SGCD: variants seen among roughly 807,000 people sequenced by gnomAD.
SGCD encodes delta-sarcoglycan.
Under a neutral mutation model 36.6 loss-of-function variants are expected in SGCD, and 18 were observed. That is an observed-to-expected ratio of 0.49 (90% CI 0.34 to 0.73). The LOEUF (loss-of-function observed/expected upper bound fraction) is 0.73, where lower values mean the gene tolerates loss of function less well. SGCD is among the 30% of genes least tolerant of loss of function. The pLI, the probability that SGCD is intolerant of heterozygous loss-of-function variation, is 0.01. For synonymous variants in SGCD, 133 were observed against 130.6 expected, an observed-to-expected ratio of 1.02 and a Z score of -0.12; for missense variants, 387 against 346.7, an observed-to-expected ratio of 1.12 and a Z score of -0.92.
intron 3 of SGCD, among the ~76,000 whole-genome samples, chr5:156,314,327 A>G (rs1190151354): frequency 6.6e-6 from 1 of 152,058 alleles, no homozygotes; most frequent in Non-Finnish European, 1.5e-5. Context: ...TGTAAGCTGC[A>G]TTGGTTGGTA....
chr5:156,393,681 C>T, intron 3 of SGCD: 2 of 453,510 alleles, frequency 4.4e-6, no homozygotes, highest in Non-Finnish European at 8.9e-6. Flanking sequence ...AAATTAAGAT[C>T]ATCCATCTCC....
At chr5:156,321,014 T>C (rs1767648991) in intron 3 of SGCD, among the ~76,000 whole-genome samples, 1 of 152,224 alleles carries the variant, frequency 6.6e-6, no homozygotes. Context: ...TGCCATTAGT[T>C]TAAGTCTAAC....
rs70984404 is a variant in SGCD at position 156,333,783 on chromosome 5, ATTTTTTTTTTTTTTT to A, written c.3+4227_3+4241del. Among the ~76,000 whole-genome samples, 101 of 19,966 alleles carry A rather than the reference ATTTTTTTTTTTTTTT, an allele frequency of 5.1e-3. 1 individual carries two copies. The highest frequency in any genetic ancestry group is 7.9e-3 in the Non-Finnish European group (83 of 10,476). The allele number at this position is 19,966 out of a possible 152,430, so 13.1% of individuals were successfully genotyped here. A position where few individuals can be genotyped will look rare whatever the true frequency, so the allele number is the denominator to read the frequency against. ...GTGCTTTCTTTATGTTAGAAAAGTG[ATTTTTTTTTTTTTTT>A]TTTTTTTTTTTTTTTTTTTTTTGCT... is the stretch of plus-strand genomic sequence containing the variant. On this transcript the variant is annotated intron_variant, in intron 2 of 8. Transcript: ENST00000337851.
intron 3 of SGCD, among the ~76,000 whole-genome samples, chr5:156,266,563 G>A (rs1383951448): frequency 6.6e-6 from 1 of 152,128 alleles, no homozygotes; most frequent in Non-Finnish European, 1.5e-5. Context: ...GCTCACTGCA[G>A]CCTCCAACTC....
intron 6 of SGCD, among the ~76,000 whole-genome samples, chr5:156,609,417 G>T (rs1403617966): frequency 1.3e-5 from 2 of 152,220 alleles, no homozygotes; most frequent in East Asian, 3.8e-4. Context: ...GAGATCGGCT[G>T]TTAGTCTGAT....
At chr5:156,169,171 C>T (rs1219020875) in intron 3 of SGCD, among the ~76,000 whole-genome samples, 4 of 152,202 alleles carry the variant, frequency 2.6e-5, no homozygotes, top group Admixed American at 2.6e-4. Context: ...TCTTTGACCA[C>T]TTGAAAAATG....
At chr5:156,163,895 C>T (rs913946525) in intron 3 of SGCD, among the ~76,000 whole-genome samples, 12 of 150,786 alleles carry the variant, frequency 8.0e-5, no homozygotes, top group South Asian at 6.3e-4. Flanking sequence ...TGGTGGCACG[C>T]GCCTGTAGTC....
At chr5:156,405,779 G>A (rs1311299486) in intron 3 of SGCD, among the ~76,000 whole-genome samples, 1 of 151,956 alleles carries the variant, frequency 6.6e-6, no homozygotes, top group Non-Finnish European at 1.5e-5. Flanking sequence ...CCCACTTTTT[G>A]TCTTGCCTCC....
intron 3 of SGCD, among the ~76,000 whole-genome samples, chr5:156,301,294 G>T (rs1286820319): frequency 6.6e-6 from 1 of 151,888 alleles, no homozygotes; most frequent in Non-Finnish European, 1.5e-5. Context: ...AATGAGGCTT[G>T]CACATAACAA....
At chr5:156,692,720 T>G (rs1195765375) in intron 7 of SGCD, among the ~76,000 whole-genome samples, 1 of 152,202 alleles carries the variant, frequency 6.6e-6, no homozygotes, top group Non-Finnish European at 1.5e-5. Context: ...TTTAAATTGC[T>G]AAGTGTTTTT....
At chr5:156,735,761 C>G (rs926771796) in intron 7 of SGCD, among the ~76,000 whole-genome samples, 1 of 152,166 alleles carries the variant, frequency 6.6e-6, no homozygotes, top group African/African-American at 2.4e-5. Flanking sequence ...TGGATTCAGC[C>G]ACTTTCCTAG....
chr5:156,073,769 A>G (rs1489720964), intron 1 of SGCD, among the ~76,000 whole-genome samples: 1 of 152,198 alleles, frequency 6.6e-6, no homozygotes, highest in Non-Finnish European at 1.5e-5. Flanking sequence ...ATAGCCAGGT[A>G]AAGCAGTCAA....
intron 1 of SGCD, among the ~76,000 whole-genome samples, chr5:156,000,325 C>T (rs1758638321): frequency 6.6e-6 from 1 of 152,152 alleles, no homozygotes; most frequent in Non-Finnish European, 1.5e-5. Context: ...CTTGTTTGGG[C>T]AGGCAGTTCT....
intron 3 of SGCD, among the ~76,000 whole-genome samples, chr5:156,298,399 AT>A (rs1300632029): frequency 6.6e-6 from 1 of 151,918 alleles, no homozygotes; most frequent in Non-Finnish European, 1.5e-5. Context: ...CAAGGGTTCC[AT>A]TTTCTCCATA....
intron 7 of SGCD, among the ~76,000 whole-genome samples, chr5:156,650,979 A>G (rs1041533786): frequency 6.6e-6 from 1 of 152,074 alleles, no homozygotes; most frequent in Non-Finnish European, 1.5e-5. Flanking sequence ...TCTCACCAAC[A>G]TCTGTTGTTT....
chr5:156,248,173 A>G (rs1765483894), intron 3 of SGCD, among the ~76,000 whole-genome samples: 1 of 152,166 alleles, frequency 6.6e-6, no homozygotes, highest in Non-Finnish European at 1.5e-5. Flanking sequence ...GAGGAATGGG[A>G]TATTCCAGGT....
chr5:156,086,460 G>T (rs1480799061), intron 1 of SGCD, among the ~76,000 whole-genome samples: 1 of 152,226 alleles, frequency 6.6e-6, no homozygotes, highest in Non-Finnish European at 1.5e-5. Context: ...TGGACAAAAT[G>T]CAAGAGTTTA....
At chr5:156,754,721 G>A (rs1757274003) in intron 7 of SGCD, among the ~76,000 whole-genome samples, 1 of 152,108 alleles carries the variant, frequency 6.6e-6, no homozygotes, top group African/African-American at 2.4e-5. Context: ...TGTATAATCA[G>A]GACTATAGAA....
intron 3 of SGCD, among the ~76,000 whole-genome samples, chr5:156,230,052 T>C (rs571784086): frequency 6.6e-6 from 1 of 152,194 alleles, no homozygotes; most frequent in South Asian, 2.1e-4. Context: ...ATTGAATATT[T>C]CTCTCTTCAC....
Sources: allele counts gnomAD v4.1 joint callset (sites outside exome capture counted in the v4.1 genomes callset), GRCh38; gene constraint gnomAD v4.1.1; transcripts MANE v1.5; gene names NCBI Gene and HGNC (gene_info 2026-07-23, HGNC 2026-07-21).